ASCC1: variants seen among roughly 807,000 people sequenced by gnomAD.
The protein encoded by ASCC1 is ASC-1 complex subunit P50.
ASCC1 carries 35 observed loss-of-function variants against 46.6 expected under a neutral mutation model. That is an observed-to-expected ratio of 0.75 (90% CI 0.57 to 0.99). The LOEUF is 0.99. ASCC1 is among the 50% of genes least tolerant of loss of function. The pLI is 0.00. For synonymous variants in ASCC1, 143 were observed against 146.6 expected, an observed-to-expected ratio of 0.98 and a Z score of 0.18; for missense variants, 376 against 428.7, an observed-to-expected ratio of 0.88 and a Z score of 1.09.
intron 6 of ASCC1, among the ~76,000 whole-genome samples, chr10:72,160,569 T>C (rs1334087812): frequency 1.3e-5 from 2 of 152,000 alleles, no homozygotes; most frequent in Non-Finnish European, 2.9e-5. Flanking sequence ...TCTGGTATCC[T>C]TTCTGAACTG....
At chr10:72,132,262 C>T (rs946780973) in intron 8 of ASCC1, among the ~76,000 whole-genome samples, 3 of 152,172 alleles carry the variant, frequency 2.0e-5, no homozygotes, top group African/African-American at 4.8e-5. Flanking sequence ...TTTTGAACCA[C>T]GAGTCTTGGA....
chr10:72,163,902 T>C (rs528796891), intron 5 of ASCC1, among the ~76,000 whole-genome samples: 1 of 152,138 alleles, frequency 6.6e-6, no homozygotes, highest in African/African-American at 2.4e-5. Flanking sequence ...CCAGCATTCT[T>C]TAGTAGCAAA....
At chr10:72,199,822 T>C (rs973077495) in intron 4 of ASCC1, among the ~76,000 whole-genome samples, 2 of 151,956 alleles carry the variant, frequency 1.3e-5, no homozygotes, top group African/African-American at 4.8e-5. Context: ...GCCTCGACTT[T>C]CCCAGATAAA....
At chr10:72,118,558 T>C (rs1196543376) in intron 9 of ASCC1, among the ~76,000 whole-genome samples, 4 of 151,942 alleles carry the variant, frequency 2.6e-5, no homozygotes, top group Non-Finnish European at 5.9e-5. Context: ...GGCGGGTGGA[T>C]TACCTGAGGT....
intron 5 of ASCC1, among the ~76,000 whole-genome samples, chr10:72,176,082 T>G (rs1424891244): frequency 6.6e-6 from 1 of 152,242 alleles, no homozygotes; most frequent in East Asian, 1.9e-4. Context: ...ACTCATTTAC[T>G]CTTCATATCA....
intron 5 of ASCC1, among the ~76,000 whole-genome samples, chr10:72,195,411 A>C (rs1589574964): frequency 6.6e-6 from 1 of 151,974 alleles, no homozygotes; most frequent in Non-Finnish European, 1.5e-5. Flanking sequence ...AGCCCTCCAC[A>C]AAGTGTTGTG....
intron 6 of ASCC1, among the ~76,000 whole-genome samples, chr10:72,154,424 C>T (rs1397830503): frequency 2.0e-5 from 3 of 151,548 alleles, no homozygotes; most frequent in African/African-American, 7.3e-5. Context: ...AACAACCAGA[C>T]AATATGTGCC....
chr10:72,184,828 C>CA (rs1420215439), intron 5 of ASCC1, among the ~76,000 whole-genome samples: 1 of 147,502 alleles, frequency 6.8e-6, no homozygotes, highest in Non-Finnish European at 1.5e-5. Flanking sequence ...TAGTAAGAAA[C>CA]AAAAAAAATT....
At chr10:72,174,885 G>A (rs140457007) in intron 5 of ASCC1, among the ~76,000 whole-genome samples, 1 of 152,170 alleles carries the variant, frequency 6.6e-6, no homozygotes, top group Non-Finnish European at 1.5e-5. Context: ...CTTTTTACAT[G>A]TTCCCACAAA....
chr10:72,148,880 A>G (rs1183150032), intron 7 of ASCC1, among the ~76,000 whole-genome samples: 1 of 152,184 alleles, frequency 6.6e-6, no homozygotes, highest in African/African-American at 2.4e-5. Context: ...TGACTTGTCA[A>G]ATTTAGAGTA....
chr10:72,176,252 T>G (rs1851842537), intron 5 of ASCC1, among the ~76,000 whole-genome samples: 1 of 152,186 alleles, frequency 6.6e-6, no homozygotes, highest in East Asian at 1.9e-4. Context: ...GCCCAACTCC[T>G]TACCTCTCAA....
chr10:72,206,745 C>T (rs1400414881), intron 3 of ASCC1, among the ~76,000 whole-genome samples: 1 of 152,112 alleles, frequency 6.6e-6, no homozygotes, highest in Non-Finnish European at 1.5e-5. Context: ...GAATCCCTGA[C>T]CCGTTTATGG....
At chr10:72,167,638 C>CTTTTT (rs547602844) in intron 5 of ASCC1, among the ~76,000 whole-genome samples, 1 of 133,744 alleles carries the variant, frequency 7.5e-6, no homozygotes, top group Non-Finnish European at 1.6e-5. Flanking sequence ...GTGTCTATGT[C>CTTTTT]TTTTTTTTTT....
rs1857973722 is a variant in ASCC1, at chr10:72,210,815, A to G, written c.129T>C (p.Ala43=). 1 of 1,614,022 alleles carries G rather than the reference A, an allele frequency of 6.2e-7. No homozygotes were observed. The highest frequency in any genetic ancestry group is 8.5e-7 in the Non-Finnish European group (1 of 1,179,994). ...CCTCGTAGGCATCACAGGGCTCATC[A>G]GCACACTCCATGGAGCCTGCACAGA... ...EDFYQGSMEC[A]DEPCDAYEVE... The change falls in exon 3 of 10, where the codon GCT becomes GCC. Residue 43 remains alanine, a synonymous_variant. Transcript: ENST00000672957.
intron 1 of ASCC1, among the ~76,000 whole-genome samples, chr10:72,213,648 C>A (rs1393920375): frequency 6.7e-6 from 1 of 150,026 alleles, no homozygotes; most frequent in African/African-American, 2.4e-5. Context: ...TGGTTCACAT[C>A]TGTAATCCCA....
At chr10:72,104,837 A>G (rs7893162) in intron 9 of ASCC1, among the ~76,000 whole-genome samples, 4 of 152,182 alleles carry the variant, frequency 2.6e-5, no homozygotes, top group Admixed American at 1.3e-4. Flanking sequence ...TTAGTAAATA[A>G]TAAGTACTGA....
chr10:72,129,902 G>C (rs1248786911), intron 8 of ASCC1, among the ~76,000 whole-genome samples: 1 of 141,192 alleles, frequency 7.1e-6, no homozygotes, highest in African/African-American at 2.6e-5. Context: ...AATCATTTGA[G>C]TGCGGGAGGT....
In ASCC1 at chr10:72,196,810, C is replaced by G; in HGVS notation, c.489+1G>C. The G allele has an allele frequency of 6.2e-7, 1 of 1,612,344 alleles. No individual in the cohort carries two copies. Among genetic ancestry groups the G allele is most frequent in the African/African-American group, 1.3e-5 (1 of 74,894 alleles). On this transcript the variant is annotated splice_donor_variant, in intron 5 of 9. Transcript: ENST00000672957. LOFTEE classifies it high-confidence loss of function. ...AACCTTCTTGCTTTGTTTGCACTTACCATGGAGCACTTCGCCAGTACTTCC... is the reference window on the plus strand; with the variant it reads ...AACCTTCTTGCTTTGTTTGCACTTAGCATGGAGCACTTCGCCAGTACTTCC...
At chr10:72,145,740 T>C (rs1302534505) in intron 7 of ASCC1, among the ~76,000 whole-genome samples, 1 of 152,244 alleles carries the variant, frequency 6.6e-6, no homozygotes, top group Admixed American at 6.5e-5. Context: ...TATTTGTTAA[T>C]GTCTGTTTTC....
Sources: allele counts gnomAD v4.1 joint callset (sites outside exome capture counted in the v4.1 genomes callset), GRCh38; gene constraint gnomAD v4.1.1; transcripts MANE v1.5; gene names NCBI Gene and HGNC (gene_info 2026-07-23, HGNC 2026-07-21).